Variants in BBS9 observed in about 807,000 individuals in gnomAD.
The protein encoded by BBS9 is protein PTHB1.
A neutral mutation model predicts 117.7 loss-of-function variants in BBS9; 89 were observed. The observed-to-expected ratio is 0.76, with a 90% CI of 0.64 to 0.90. BBS9 has a LOEUF of 0.90. BBS9 is among the 40% of genes least tolerant of loss of function. The probability of loss-of-function intolerance (pLI) is 0.00; values close to 1 mark genes in which losing one functional copy is unlikely to be tolerated. For synonymous variants in BBS9, 379 were observed against 370.9 expected, an observed-to-expected ratio of 1.02 and a Z score of -0.25; for missense variants, 982 against 1,042.2, an observed-to-expected ratio of 0.94 and a Z score of 0.80.
At chr7:33,386,716 G>T (rs1168829108) in intron 18 of BBS9, among the ~76,000 whole-genome samples, 1 of 151,664 alleles carries the variant, frequency 6.6e-6, no homozygotes, top group Non-Finnish European at 1.5e-5. Context: ...GGATGGTCTC[G>T]ATCTCCTGAC....
At chr7:33,420,202 T>C (rs1204312441) in intron 19 of BBS9, among the ~76,000 whole-genome samples, 1 of 152,182 alleles carries the variant, frequency 6.6e-6, no homozygotes, top group African/African-American at 2.4e-5. Flanking sequence ...TGGCAGATTA[T>C]TGAAGTGCTC....
intron 3 of BBS9, among the ~76,000 whole-genome samples, chr7:33,154,698 T>C (rs13228512): frequency 0.16 from 24,599 of 152,026 alleles, 2,134 homozygotes; most frequent in South Asian, 0.21. Flanking sequence ...ACTTCTGATC[T>C]CAGGAGATCC....
chr7:33,383,215 A>C (rs1825397782), intron 17 of BBS9, among the ~76,000 whole-genome samples: 1 of 152,240 alleles, frequency 6.6e-6, no homozygotes, highest in African/African-American at 2.4e-5. Context: ...AGCTTTGATC[A>C]TGATTACAGT....
chr7:33,178,863 T>C (rs1200576203), intron 5 of BBS9, among the ~76,000 whole-genome samples: 1 of 152,034 alleles, frequency 6.6e-6, no homozygotes, highest in African/African-American at 2.4e-5. Flanking sequence ...ATATTTTTGG[T>C]GGTGATGTGC....
chr7:33,233,657 A>T (rs1792913126), intron 5 of BBS9, among the ~76,000 whole-genome samples: 1 of 152,198 alleles, frequency 6.6e-6, no homozygotes, highest in South Asian at 2.1e-4. Flanking sequence ...TCATAGATGA[A>T]GAGTGTATTT....
At chr7:33,387,159 A>G (rs1826179583) in intron 18 of BBS9, among the ~76,000 whole-genome samples, 1 of 152,204 alleles carries the variant, frequency 6.6e-6, no homozygotes, top group South Asian at 2.1e-4. Context: ...TTACTATGAT[A>G]ACAATAGATC....
chr7:33,222,531 G>A (rs1039296795), intron 5 of BBS9, among the ~76,000 whole-genome samples: 3 of 152,018 alleles, frequency 2.0e-5, no homozygotes, highest in African/African-American at 4.8e-5. Context: ...CATTCCTACT[G>A]GTCTGTATGC....
At chr7:33,426,568 T>G (rs1233000937) in intron 19 of BBS9, among the ~76,000 whole-genome samples, 1 of 145,870 alleles carries the variant, frequency 6.9e-6, no homozygotes, top group African/African-American at 2.5e-5. Context: ...TAATAGATGT[T>G]CTGTAAAAAA....
At chr7:33,627,524 T>C (rs1286538642) in intron 21 of BBS9, among the ~76,000 whole-genome samples, 1 of 152,126 alleles carries the variant, frequency 6.6e-6, no homozygotes, top group Non-Finnish European at 1.5e-5. Context: ...GTAGATCCAC[T>C]GACAGCTTGT....
At chr7:33,444,325 GA>G (rs1385697850) in intron 19 of BBS9, among the ~76,000 whole-genome samples, 1 of 152,010 alleles carries the variant, frequency 6.6e-6, no homozygotes, top group Non-Finnish European at 1.5e-5. Flanking sequence ...AGATAAAAAT[GA>G]AAAAAGTTAT....
intron 21 of BBS9, among the ~76,000 whole-genome samples, chr7:33,550,278 A>AT (rs568186068): frequency 6.5e-4 from 99 of 151,956 alleles, no homozygotes; most frequent in Middle Eastern, 3.4e-3. Flanking sequence ...TTAAAGTTTT[A>AT]TTTTTTTTGT....
chr7:33,284,085 A>G lies in BBS9; in HGVS notation c.1016+10129A>G, dbSNP rs537832905. Among the ~76,000 whole-genome samples, 4 of 151,664 alleles carry G rather than the reference A, an allele frequency of 2.6e-5. No individual in the cohort carries two copies. In the South Asian group the frequency reaches 8.4e-4, roughly 32 times the overall value. On this transcript the variant is annotated intron_variant, in intron 9 of 22. Coordinates refer to ENST00000242067, the MANE Select transcript of BBS9 (RefSeq NM_198428.3). Reference sequence around the variant, plus strand: ...CTTCCATTCTGGTTCTTCTGATGTCACTCCTTCTGTATCCCATGCATGTCC... The same window carrying G: ...CTTCCATTCTGGTTCTTCTGATGTCGCTCCTTCTGTATCCCATGCATGTCC...
At chr7:33,403,065 A>C (rs998445843) in intron 19 of BBS9, among the ~76,000 whole-genome samples, 2 of 151,946 alleles carry the variant, frequency 1.3e-5, no homozygotes, top group South Asian at 4.1e-4. Context: ...GTGTTTATAT[A>C]CCATAATTCC....
intron 19 of BBS9, among the ~76,000 whole-genome samples, chr7:33,452,067 C>G (rs1269211643): frequency 6.6e-6 from 1 of 152,184 alleles, no homozygotes; most frequent in Non-Finnish European, 1.5e-5. Flanking sequence ...CTCCTAACCT[C>G]AAGCAATTCA....
At chr7:33,447,340 G>A (rs1837143616) in intron 19 of BBS9, among the ~76,000 whole-genome samples, 1 of 152,146 alleles carries the variant, frequency 6.6e-6, no homozygotes, top group Non-Finnish European at 1.5e-5. Context: ...AGATGTCAGA[G>A]GAAGACAGTT....
At chr7:33,473,234 C>T (rs1300285082) in intron 19 of BBS9, among the ~76,000 whole-genome samples, 2 of 152,184 alleles carry the variant, frequency 1.3e-5, no homozygotes, top group Non-Finnish European at 2.9e-5. Context: ...AAAATGTTGC[C>T]TACAGACTAA....
intron 1 of BBS9, among the ~76,000 whole-genome samples, chr7:33,130,519 T>A (rs1253856796): frequency 6.6e-6 from 1 of 152,230 alleles, no homozygotes; most frequent in African/African-American, 2.4e-5. Flanking sequence ...TGGAGAAATG[T>A]ATTTTTTTGG....
chr7:33,344,473 A>G, intron 11 of BBS9, 108 bp from the exon 12 acceptor site: 1 of 1,027,084 alleles, frequency 9.7e-7, no homozygotes. Flanking sequence ...AATCTTTTAT[A>G]GTTTCCTATT....
chr7:33,230,491 G>A (rs1737693468), intron 5 of BBS9, among the ~76,000 whole-genome samples: 2 of 152,146 alleles, frequency 1.3e-5, no homozygotes, highest in African/African-American at 4.8e-5. Context: ...AGCGAGTAGT[G>A]AAGTTTAGGA....
Sources: gnomAD v4.1 joint callset for allele counts (sites outside exome capture counted in the v4.1 genomes callset) on GRCh38, gnomAD v4.1.1 for gene constraint, MANE v1.5 for transcripts, NCBI Gene and HGNC (gene_info 2026-07-23, HGNC 2026-07-21) for gene names.